The following ANKS1B variants were observed in gnomAD, a reference collection of about 807,000 sequenced individuals.
ANKS1B encodes ankyrin repeat and sterile alpha motif domain containing 1B, also known as ankyrin repeat and sterile alpha motif domain-containing protein 1B.
A neutral mutation model predicts 148.3 loss-of-function variants in ANKS1B; 36 were observed. The observed-to-expected ratio is 0.24, with a 90% CI of 0.19 to 0.32. The LOEUF (loss-of-function observed/expected upper bound fraction) is 0.32. Among genes scored for constraint, ANKS1B ranks in the 10% least tolerant of loss-of-function variants. ANKS1B has a pLI of 1.00. For missense variants in ANKS1B, 1,157 were observed against 1,542.6 expected, an observed-to-expected ratio of 0.75 and a Z score of 4.19; for synonymous variants, 542 against 560.8, an observed-to-expected ratio of 0.97 and a Z score of 0.47.
chr12:99,329,795 C>T (rs2087152460), intron 12 of ANKS1B, among the ~76,000 whole-genome samples: 1 of 151,634 alleles, frequency 6.6e-6, no homozygotes, highest in Non-Finnish European at 1.5e-5. Flanking sequence ...GTTTTTCTTA[C>T]ATCAATTTCT....
chr12:99,662,819 T>C (rs1208584356), intron 8 of ANKS1B, among the ~76,000 whole-genome samples: 1 of 152,108 alleles, frequency 6.6e-6, no homozygotes, highest in African/African-American at 2.4e-5. Flanking sequence ...TTTCTCCTTA[T>C]AGTAATAATT....
chr12:99,792,990 T>C (rs1042098975), intron 4 of ANKS1B, among the ~76,000 whole-genome samples: 1 of 151,920 alleles, frequency 6.6e-6, no homozygotes, highest in Non-Finnish European at 1.5e-5. Flanking sequence ...TAAACAAATG[T>C]AGCAACGTTG....
At chr12:98,793,444 T>C (rs79275168) in intron 22 of ANKS1B, among the ~76,000 whole-genome samples, 1,920 of 152,184 alleles carry the variant, frequency 0.013, 34 homozygotes, top group African/African-American at 0.043. Context: ...ATTTTTTGGA[T>C]ATGACTCCAA....
intron 2 of ANKS1B, among the ~76,000 whole-genome samples, chr12:99,816,116 T>C (rs1029794775): frequency 1.3e-5 from 2 of 151,886 alleles, no homozygotes; most frequent in Admixed American, 1.3e-4. Flanking sequence ...GTAAAAGTGT[T>C]CCCTTTTCAC....
At chr12:99,528,576 AAAC>A (rs1305590488) in intron 9 of ANKS1B, among the ~76,000 whole-genome samples, 1 of 152,196 alleles carries the variant, frequency 6.6e-6, no homozygotes, top group African/African-American at 2.4e-5. Context: ...CAAAAAAACC[AAAC>A]AACCCCATTA....
chr12:99,073,153 T>G (rs2046791304), intron 16 of ANKS1B, among the ~76,000 whole-genome samples: 1 of 152,242 alleles, frequency 6.6e-6, no homozygotes, highest in South Asian at 2.1e-4. Flanking sequence ...ACCCATTTAA[T>G]TCTACAGAGA....
intron 1 of ANKS1B, among the ~76,000 whole-genome samples, chr12:99,928,537 CA>C (rs2094533225): frequency 6.6e-6 from 1 of 152,072 alleles, no homozygotes; most frequent in Non-Finnish European, 1.5e-5. Flanking sequence ...CTCGGCCTCC[CA>C]AAGTGCTGGG....
intron 12 of ANKS1B, among the ~76,000 whole-genome samples, chr12:99,267,247 C>T (rs1457708593): frequency 2.6e-5 from 4 of 152,148 alleles, no homozygotes; most frequent in African/African-American, 9.7e-5. Context: ...AATGAATTTT[C>T]CATACAATGC....
At chr12:99,149,832 G>A (rs191691120) in intron 15 of ANKS1B, among the ~76,000 whole-genome samples, 10 of 152,158 alleles carry the variant, frequency 6.6e-5, no homozygotes, top group Admixed American at 6.5e-4. Context: ...ATTTGCTGCT[G>A]ACACACCAAT....
At chr12:99,508,054 T>C (rs1256718247) in intron 9 of ANKS1B, among the ~76,000 whole-genome samples, 1 of 151,952 alleles carries the variant, frequency 6.6e-6, no homozygotes, top group Non-Finnish European at 1.5e-5. Flanking sequence ...TTTTTAGTAC[T>C]GTATGCTTTC....
intron 2 of ANKS1B, among the ~76,000 whole-genome samples, chr12:99,814,334 A>T (rs1018081677): frequency 6.6e-6 from 1 of 151,794 alleles, no homozygotes; most frequent in Admixed American, 6.6e-5. Flanking sequence ...AAATAAGATC[A>T]TAAAAAAGAA....
chr12:98,831,189 C>T (rs1183950696), intron 18 of ANKS1B: 3 of 152,054 alleles, frequency 2.0e-5, no homozygotes, highest in Admixed American at 6.6e-5. Flanking sequence ...CCTCATGACC[C>T]GCCCACCTCT....
chr12:99,980,715 T>C (rs1225963893), intron 1 of ANKS1B, among the ~76,000 whole-genome samples: 1 of 152,024 alleles, frequency 6.6e-6, no homozygotes, highest in Non-Finnish European at 1.5e-5. Flanking sequence ...TTAACAGAGA[T>C]GATAGCTCTT....
chr12:99,520,560 T>C (rs961370226), intron 9 of ANKS1B, among the ~76,000 whole-genome samples: 1 of 152,204 alleles, frequency 6.6e-6, no homozygotes, highest in South Asian at 2.1e-4. Flanking sequence ...TCTTCTTTGG[T>C]TTAAATCTGC....
intron 12 of ANKS1B, among the ~76,000 whole-genome samples, chr12:99,321,597 A>T (rs2085283335): frequency 1.3e-5 from 2 of 152,138 alleles, no homozygotes; most frequent in Non-Finnish European, 2.9e-5. Flanking sequence ...TCCAGGTACC[A>T]TCTGTCATGG....
At chr12:99,240,781 C>T (rs2089148398) in intron 14 of ANKS1B, among the ~76,000 whole-genome samples, 1 of 152,166 alleles carries the variant, frequency 6.6e-6, no homozygotes, top group Non-Finnish European at 1.5e-5. Context: ...ACTGAACAAC[C>T]TGCTCCTGAG....
rs575129800 is a variant in ANKS1B, at chr12:99,234,610, A to G, written c.2419+9732T>C. On this transcript the variant is annotated intron_variant, in intron 14 of 26. Coordinates refer to ENST00000683438, the MANE Select transcript of ANKS1B (RefSeq NM_001352186.2). ...GAGCTAAAATTTAATATGTATCTGCATATGTTAGACTTTTATGTATATGCC... is the reference window on the plus strand; with the variant it reads ...GAGCTAAAATTTAATATGTATCTGCGTATGTTAGACTTTTATGTATATGCC... 3.3e-5 allele frequency among the ~76,000 whole-genome samples: 5 copies of G among 152,274 alleles called. No individual in the cohort carries two copies. The South Asian group carries it at 6.2e-4, about 19-fold the overall frequency.
chr12:99,291,421 A>G (rs1256426417), intron 12 of ANKS1B, among the ~76,000 whole-genome samples: 1 of 152,132 alleles, frequency 6.6e-6, no homozygotes, highest in Non-Finnish European at 1.5e-5. Context: ...CCACAAAAGA[A>G]CTAGGCTAGC....
intron 1 of ANKS1B, among the ~76,000 whole-genome samples, chr12:99,906,650 T>A (rs1728710336): frequency 1.3e-5 from 2 of 152,252 alleles, no homozygotes; most frequent in African/African-American, 4.8e-5. Context: ...GGTTGATTAA[T>A]AATATCCGTA....
Sources: gnomAD v4.1 joint callset for allele counts (sites outside exome capture counted in the v4.1 genomes callset) on GRCh38, gnomAD v4.1.1 for gene constraint, MANE v1.5 for transcripts, NCBI Gene and HGNC (gene_info 2026-07-23, HGNC 2026-07-21) for gene names.